Variants in LRMDA observed in about 807,000 individuals in gnomAD.
LRMDA encodes the protein leucine-rich melanocyte differentiation-associated protein.
In LRMDA, 18 loss-of-function variants were observed where a neutral mutation model predicts 29.8. The observed-to-expected ratio is 0.60, with a 90% CI of 0.42 to 0.90. The LOEUF (loss-of-function observed/expected upper bound fraction) is 0.90. Ranked by LOEUF, LRMDA falls within the 40% of genes least tolerant of loss-of-function variation. The pLI is 0.00. For missense variants in LRMDA, 273 were observed against 273.9 expected, an observed-to-expected ratio of 1.00 and a Z score of 0.02; for synonymous variants, 125 against 109.4, an observed-to-expected ratio of 1.14 and a Z score of -0.89.
intron 2 of LRMDA, among the ~76,000 whole-genome samples, chr10:75,659,902 C>G (rs1399285523): frequency 1.3e-5 from 2 of 152,198 alleles, no homozygotes; most frequent in Non-Finnish European, 1.5e-5. Context: ...CCTCCTCCAT[C>G]ATTGCCCTAT....
intron 2 of LRMDA, among the ~76,000 whole-genome samples, chr10:75,959,517 G>GCACACA (rs3042540): frequency 1.8e-3 from 268 of 150,100 alleles, no homozygotes; most frequent in African/African-American, 2.3e-3. Flanking sequence ...GCACGTGCAT[G>GCACACA]CACACACACA....
At chr10:76,026,265 T>C (rs1848061377) in intron 2 of LRMDA, among the ~76,000 whole-genome samples, 1 of 152,236 alleles carries the variant, frequency 6.6e-6, no homozygotes, top group South Asian at 2.1e-4. Flanking sequence ...TGAATTTCCA[T>C]TTCTGGACCA....
At chr10:75,598,751 A>G (rs758397504) in intron 2 of LRMDA, among the ~76,000 whole-genome samples, 1 of 152,198 alleles carries the variant, frequency 6.6e-6, no homozygotes, top group East Asian at 1.9e-4. Context: ...TACCTAGTAT[A>G]TAGAGAAATT....
chr10:76,312,907 A>G (rs1031975767), intron 5 of LRMDA, among the ~76,000 whole-genome samples: 1 of 152,106 alleles, frequency 6.6e-6, no homozygotes, highest in African/African-American at 2.4e-5. Flanking sequence ...TTACCTCTCA[A>G]GAAACTTAAA....
chr10:76,332,812 T>C (rs957323519), intron 6 of LRMDA, among the ~76,000 whole-genome samples: 3 of 152,198 alleles, frequency 2.0e-5, no homozygotes, highest in Admixed American at 2.0e-4. Context: ...TAGTACCTAT[T>C]GTGTACTGAG....
chr10:75,742,094 T>C (rs1447571532), intron 2 of LRMDA, among the ~76,000 whole-genome samples: 1 of 152,156 alleles, frequency 6.6e-6, no homozygotes, highest in Non-Finnish European at 1.5e-5. Context: ...GAGCCACCAG[T>C]GTATGGTGCT....
At chr10:75,861,975 C>G (rs904248700) in intron 2 of LRMDA, among the ~76,000 whole-genome samples, 6 of 152,086 alleles carry the variant, frequency 3.9e-5, no homozygotes. Context: ...GCTATCCCCC[C>G]CAAGATTCTT....
At chr10:75,599,684 C>G (rs569667910) in intron 2 of LRMDA, among the ~76,000 whole-genome samples, 4 of 152,320 alleles carry the variant, frequency 2.6e-5, no homozygotes, top group African/African-American at 9.6e-5. Flanking sequence ...AAATGTTCTA[C>G]ATCTGCAGTG....
At chr10:76,345,520 G>A (rs1841096329) in intron 6 of LRMDA, among the ~76,000 whole-genome samples, 1 of 149,584 alleles carries the variant, frequency 6.7e-6, no homozygotes, top group Non-Finnish European at 1.5e-5. Context: ...AATAAAACAA[G>A]GTGTAGAATA....
chr10:76,169,273 T>C (rs1464628253), intron 5 of LRMDA, among the ~76,000 whole-genome samples: 1 of 152,184 alleles, frequency 6.6e-6, no homozygotes, highest in Non-Finnish European at 1.5e-5. Context: ...ATAATTCAGC[T>C]CAAGGGAATA....
chr10:75,798,623 T>C (rs1337466234), intron 2 of LRMDA, among the ~76,000 whole-genome samples: 1 of 152,148 alleles, frequency 6.6e-6, no homozygotes, highest in Non-Finnish European at 1.5e-5. Flanking sequence ...CTCTTAACTA[T>C]AATTTGCGCT....
At chr10:76,437,407 C>T (rs951189853) in intron 6 of LRMDA, 1 of 152,234 alleles carries the variant, frequency 6.6e-6, no homozygotes, top group Admixed American at 6.5e-5. Flanking sequence ...AAGAGCACAG[C>T]TTCTTCCAAC....
intron 6 of LRMDA, among the ~76,000 whole-genome samples, chr10:76,504,838 A>T (rs1322465593): frequency 1.3e-5 from 2 of 152,028 alleles, no homozygotes; most frequent in African/African-American, 4.8e-5. Context: ...TGACCCTGTC[A>T]TCATATTGTT....
At chr10:76,361,949 A>T (rs1343270086) in intron 6 of LRMDA, among the ~76,000 whole-genome samples, 1 of 152,148 alleles carries the variant, frequency 6.6e-6, no homozygotes, top group African/African-American at 2.4e-5. Context: ...CATAAGAAGT[A>T]CTTTTATTAT....
chr10:76,539,624 G>T (rs572764927), intron 6 of LRMDA, among the ~76,000 whole-genome samples: 20 of 152,082 alleles, frequency 1.3e-4, no homozygotes, highest in Non-Finnish European at 1.8e-4. Context: ...CTTTGCAGCT[G>T]GGCCACTCAT....
chr10:76,061,888 T>C (rs1848705967), intron 5 of LRMDA, among the ~76,000 whole-genome samples: 1 of 152,218 alleles, frequency 6.6e-6, no homozygotes, highest in South Asian at 2.1e-4. Flanking sequence ...AGATAGGCAG[T>C]GGTACTTTTC....
At chr10:76,021,804 C>T (rs988234244) in intron 2 of LRMDA, among the ~76,000 whole-genome samples, 5 of 152,158 alleles carry the variant, frequency 3.3e-5, no homozygotes, top group Admixed American at 2.0e-4. Context: ...ATAGTGTGAG[C>T]CTTGCTGAGC....
intron 6 of LRMDA, among the ~76,000 whole-genome samples, chr10:76,400,640 A>G (rs1048860123): frequency 3.3e-5 from 5 of 152,154 alleles, no homozygotes; most frequent in African/African-American, 1.2e-4. Flanking sequence ...TCTGCCTTTT[A>G]CCTTTTGCTG....
At chr10:75,674,255 G>A (rs1228726008) in intron 2 of LRMDA, among the ~76,000 whole-genome samples, 1 of 152,134 alleles carries the variant, frequency 6.6e-6, no homozygotes, top group Non-Finnish European at 1.5e-5. Context: ...TAGTTCTGGG[G>A]AGATAAGTTT....
Sources: gnomAD v4.1 joint callset for allele counts (sites outside exome capture counted in the v4.1 genomes callset) on GRCh38, gnomAD v4.1.1 for gene constraint, MANE v1.5 for transcripts, NCBI Gene and HGNC (gene_info 2026-07-23, HGNC 2026-07-21) for gene names.